Variants in MAP7 observed in about 807,000 individuals in gnomAD.
The protein encoded by MAP7 is microtubule associated protein 7.
Under a neutral mutation model 94.8 loss-of-function variants are expected in MAP7, and 52 were observed. The ratio of observed to expected loss-of-function variants is 0.55; its 90% confidence interval spans 0.44 to 0.69. The LOEUF (loss-of-function observed/expected upper bound fraction) is 0.69. MAP7 is among the 30% of genes least tolerant of loss of function. MAP7 has a pLI of 0.00. For missense variants in MAP7, 940 were observed against 964.6 expected (o/e 0.97, Z 0.34); for synonymous variants, 350 against 357.0 (o/e 0.98, Z 0.22).
intron 1 of MAP7, among the ~76,000 whole-genome samples, chr6:136,467,979 T>C (rs1282313377): frequency 6.6e-6 from 1 of 152,204 alleles, no homozygotes; most frequent in African/African-American, 2.4e-5. Flanking sequence ...GGCACTGGAC[T>C]TGGCAACTAA....
intron 1 of MAP7, among the ~76,000 whole-genome samples, chr6:136,516,045 A>G (rs1174728977): frequency 1.3e-5 from 2 of 151,476 alleles, no homozygotes; most frequent in Non-Finnish European, 2.9e-5. Context: ...AGCTTCGTCT[A>G]GTTGAGGAGA....
intron 1 of MAP7, among the ~76,000 whole-genome samples, chr6:136,459,231 T>C (rs1284381001): frequency 6.6e-6 from 1 of 152,068 alleles, no homozygotes; most frequent in African/African-American, 2.4e-5. Flanking sequence ...ATAGCTATTA[T>C]CAAACAACAA....
At chr6:136,414,093 CAAAA>C (rs1294338820) in intron 2 of MAP7, among the ~76,000 whole-genome samples, 1 of 124,696 alleles carries the variant, frequency 8.0e-6, no homozygotes, top group Non-Finnish European at 1.8e-5. Context: ...ACTAAAAATA[CAAAA>C]AAAAAATTAG....
At chr6:136,497,747 C>T (rs112811898) in intron 1 of MAP7, among the ~76,000 whole-genome samples, 5 of 139,646 alleles carry the variant, frequency 3.6e-5, no homozygotes, top group South Asian at 4.5e-4. Flanking sequence ...TGCAGTGAGC[C>T]GAGATCGTGC....
At chr6:136,548,152 G>T (rs558514644) in intron 1 of MAP7, among the ~76,000 whole-genome samples, 1 of 122,182 alleles carries the variant, frequency 8.2e-6, no homozygotes, top group Non-Finnish European at 1.6e-5. Flanking sequence ...TTAAAAAAAT[G>T]AGACTTGCAG....
At chr6:136,489,526 C>CTTTTT (rs1164047042) in intron 1 of MAP7, among the ~76,000 whole-genome samples, 32 of 102,988 alleles carry the variant, frequency 3.1e-4, no homozygotes, top group African/African-American at 5.9e-4. Context: ...CATCAGGTTT[C>CTTTTT]TTTTTTTTTT....
At chr6:136,411,003 A>G (rs1288585598) in intron 3 of MAP7, among the ~76,000 whole-genome samples, 1 of 152,214 alleles carries the variant, frequency 6.6e-6, no homozygotes, top group African/African-American at 2.4e-5. Flanking sequence ...ACATCAAAGT[A>G]AAGGAGGGGT....
At chr6:136,540,348 T>C (rs1008548300) in intron 1 of MAP7, among the ~76,000 whole-genome samples, 1 of 152,138 alleles carries the variant, frequency 6.6e-6, no homozygotes, top group African/African-American at 2.4e-5. Context: ...TTCTACAAAA[T>C]ACTTTAATAT....
At chr6:136,417,817 C>T (rs773101644) in intron 2 of MAP7, among the ~76,000 whole-genome samples, 6 of 152,218 alleles carry the variant, frequency 3.9e-5, no homozygotes, top group Non-Finnish European at 8.8e-5. Context: ...CTAAGTCACA[C>T]ACTCCTCTAT....
intron 1 of MAP7, among the ~76,000 whole-genome samples, chr6:136,492,233 T>C (rs1034727231): frequency 2.6e-5 from 4 of 152,226 alleles, no homozygotes; most frequent in Non-Finnish European, 4.4e-5. Context: ...ATATATACTA[T>C]AGGCAGTAAA....
At chr6:136,412,620 T>C (rs143425192) in intron 2 of MAP7, among the ~76,000 whole-genome samples, 1 of 152,194 alleles carries the variant, frequency 6.6e-6, no homozygotes, top group African/African-American at 2.4e-5. Context: ...AAGTACCCAA[T>C]GTGTTCCAGA....
intron 3 of MAP7, among the ~76,000 whole-genome samples, chr6:136,390,734 TAAAG>T (rs1190524359): frequency 6.6e-6 from 1 of 152,216 alleles, no homozygotes; most frequent in Non-Finnish European, 1.5e-5. Flanking sequence ...TGTTTAATAT[TAAAG>T]AATGCATTTC....
intron 2 of MAP7, chr6:136,420,057 T>C (rs1790775556): frequency 2.4e-6 from 2 of 842,812 alleles, no homozygotes; most frequent in Non-Finnish European, 4.1e-6. Flanking sequence ...CCTTCTGAGC[T>C]CGATTAATTA....
intron 3 of MAP7, among the ~76,000 whole-genome samples, chr6:136,395,473 C>T (rs1031846546): frequency 8.0e-6 from 1 of 124,274 alleles, no homozygotes; most frequent in Non-Finnish European, 1.6e-5. Flanking sequence ...AATGCTTTGT[C>T]GAATAAATAG....
chr6:136,456,249 C>T (rs750796657), intron 1 of MAP7, among the ~76,000 whole-genome samples: 7 of 152,072 alleles, frequency 4.6e-5, no homozygotes, highest in African/African-American at 1.7e-4. Context: ...GACTTTTTGC[C>T]TTTCCTATAG....
At position 136,370,587 on chromosome 6, in the gene MAP7, G is replaced by A. The variant is rs868299291; in HGVS notation, c.876+1914C>T. On this transcript the variant is annotated intron_variant, in intron 8 of 17. Transcript: ENST00000354570. Reference sequence around the variant, plus strand: ...AATATAATTCAGCCCTAAAAAGGAAGGAAATTCTGACATATGCTATAATAA... The same window carrying A: ...AATATAATTCAGCCCTAAAAAGGAAAGAAATTCTGACATATGCTATAATAA... Among the ~76,000 whole-genome samples the A allele has an allele frequency of 7.2e-5, 11 of 152,278 alleles. No homozygotes were observed. The Middle Eastern group carries it at 0.014, about 188-fold the overall frequency.
At chr6:136,421,247 T>C (rs1037822924) in intron 2 of MAP7, among the ~76,000 whole-genome samples, 3 of 152,242 alleles carry the variant, frequency 2.0e-5, no homozygotes, top group Non-Finnish European at 2.9e-5. Context: ...AGCTTTGCTA[T>C]GTGTAAAGAT....
At chr6:136,458,852 T>C (rs764150580) in intron 1 of MAP7, among the ~76,000 whole-genome samples, 11 of 152,080 alleles carry the variant, frequency 7.2e-5, no homozygotes, top group Non-Finnish European at 1.5e-4. Flanking sequence ...TTGGCAATGA[T>C]TTCTTGAGCA....
In MAP7 at chr6:136,394,931, C is replaced by CATATATATATATATATATAT. The variant is rs144839767; in HGVS notation, c.245-5434_245-5415dup. 2.9e-4 allele frequency among the ~76,000 whole-genome samples: 8 copies of CATATATATATATATATATAT among 27,492 alleles called. 1 individual carries two copies. Among genetic ancestry groups the CATATATATATATATATATAT allele is most frequent in the Non-Finnish European group, 5.5e-4 (6 of 10,906 alleles). 18.0% of individuals were successfully genotyped at this position (27,492 alleles called of 152,430 possible). A position where few individuals can be genotyped will look rare whatever the true frequency, so the allele number is the denominator to read the frequency against. On this transcript the variant is annotated intron_variant, in intron 3 of 17. Coordinates refer to ENST00000354570, the MANE Select transcript of MAP7 (RefSeq NM_003980.6). ...TTTTTATGGTTGAATAATATTCCAT[C>CATATATATATATATATATAT]ATATATATATATATATATATATATA... is the stretch of plus-strand genomic sequence containing the variant.
Sources: allele counts gnomAD v4.1 joint callset (sites outside exome capture counted in the v4.1 genomes callset), GRCh38; gene constraint gnomAD v4.1.1; transcripts MANE v1.5; gene names NCBI Gene and HGNC (gene_info 2026-07-23, HGNC 2026-07-21).